The following OXR1 variants were observed in gnomAD, a reference collection of about 807,000 sequenced individuals.
OXR1 encodes the protein oxidation resistance protein 1.
Under a neutral mutation model 104.6 loss-of-function variants are expected in OXR1, and 41 were observed. The ratio of observed to expected loss-of-function variants is 0.39; its 90% CI spans 0.31 to 0.51. OXR1 has a LOEUF of 0.51. OXR1 is among the 20% of genes least tolerant of loss of function. The pLI is 0.77. For synonymous variants in OXR1, 348 were observed against 348.4 expected, an observed-to-expected ratio of 1.00 and a Z score of 0.01; for missense variants, 955 against 1,031.9, an observed-to-expected ratio of 0.93 and a Z score of 1.02.
chr8:106,303,642 G>A (rs1440374800), intron 1 of OXR1, among the ~76,000 whole-genome samples: 1 of 152,084 alleles, frequency 6.6e-6, no homozygotes, highest in Non-Finnish European at 1.5e-5. Flanking sequence ...AGCGTTTATG[G>A]TACACATGCT....
At chr8:106,293,622 T>C (rs181729254) in intron 1 of OXR1, among the ~76,000 whole-genome samples, 10 of 152,334 alleles carry the variant, frequency 6.6e-5, no homozygotes, top group Non-Finnish European at 1.5e-4. Context: ...AGAAATTTAT[T>C]CTCTCTCATG....
At chr8:106,309,310 G>A (rs1813599487) in intron 1 of OXR1, among the ~76,000 whole-genome samples, 1 of 152,044 alleles carries the variant, frequency 6.6e-6, no homozygotes, top group Non-Finnish European at 1.5e-5. Context: ...AACATCTTCA[G>A]AAAAATAAAA....
At chr8:106,733,151 T>C (rs534057268) in intron 11 of OXR1, among the ~76,000 whole-genome samples, 1 of 152,322 alleles carries the variant, frequency 6.6e-6, no homozygotes, top group South Asian at 2.1e-4. Context: ...CTCAGCCTCC[T>C]GAGTAGCTGA....
chr8:106,356,831 A>T (rs1032533779), intron 1 of OXR1, among the ~76,000 whole-genome samples: 2 of 152,128 alleles, frequency 1.3e-5, no homozygotes, highest in Admixed American at 1.3e-4. Context: ...CAAGGAAAGA[A>T]GTGTAGTAAG....
chr8:106,426,351 TG>T (rs1819118972), intron 2 of OXR1, among the ~76,000 whole-genome samples: 1 of 150,708 alleles, frequency 6.6e-6, no homozygotes, highest in Non-Finnish European at 1.5e-5. Flanking sequence ...TTGTTACATT[TG>T]TTTTTTTTTT....
At chr8:106,316,488 G>C (rs1001589236) in intron 1 of OXR1, among the ~76,000 whole-genome samples, 72 of 152,186 alleles carry the variant, frequency 4.7e-4, no homozygotes, top group African/African-American at 1.7e-3. Context: ...TGGTCATTGA[G>C]GGTTATAACC....
chr8:106,374,391 C>T (rs1045939916), intron 2 of OXR1, among the ~76,000 whole-genome samples: 2 of 152,160 alleles, frequency 1.3e-5, no homozygotes, highest in East Asian at 1.9e-4. Context: ...GTCAGACAAA[C>T]TCATTTTTAT....
intron 2 of OXR1, among the ~76,000 whole-genome samples, chr8:106,475,911 A>G (rs1055648941): frequency 6.6e-6 from 1 of 151,754 alleles, no homozygotes; most frequent in African/African-American, 2.4e-5. Context: ...CATATCCACA[A>G]TCTCTTTCAT....
At chr8:106,676,547 T>TA (rs1827614129) in intron 3 of OXR1, among the ~76,000 whole-genome samples, 1 of 152,144 alleles carries the variant, frequency 6.6e-6, no homozygotes, top group Admixed American at 6.5e-5. Context: ...CTCCTTCCCT[T>TA]ATATAGCTTA....
chr8:106,541,840 C>T (rs1466150425), intron 3 of OXR1, among the ~76,000 whole-genome samples: 2 of 152,202 alleles, frequency 1.3e-5, no homozygotes, highest in African/African-American at 4.8e-5. Context: ...AGAAGAAACA[C>T]ATAAAATGAA....
At chr8:106,481,299 G>T (rs189736696) in intron 2 of OXR1, among the ~76,000 whole-genome samples, 2 of 151,860 alleles carry the variant, frequency 1.3e-5, no homozygotes, top group African/African-American at 4.8e-5. Flanking sequence ...TACTTAATTC[G>T]GCATGTTAAA....
intron 2 of OXR1, among the ~76,000 whole-genome samples, chr8:106,451,551 TA>T (rs758984191): frequency 5.3e-5 from 8 of 152,176 alleles, no homozygotes; most frequent in Non-Finnish European, 1.2e-4. Context: ...TAATTTAGAA[TA>T]ACAGGAAATT....
At chr8:106,476,799 ACTTT>A (rs1219472672) in intron 2 of OXR1, among the ~76,000 whole-genome samples, 2 of 151,834 alleles carry the variant, frequency 1.3e-5, no homozygotes, top group Non-Finnish European at 2.9e-5. Context: ...CAGTTCTCCA[ACTTT>A]AGATTCTTCA....
intron 3 of OXR1, among the ~76,000 whole-genome samples, chr8:106,522,417 A>T (rs1302247583): frequency 6.6e-6 from 1 of 152,184 alleles, no homozygotes; most frequent in East Asian, 1.9e-4. Flanking sequence ...GTATTGTTTT[A>T]TATTGTTGCA....
At chr8:106,354,690 A>C (rs1815887118) in intron 1 of OXR1, among the ~76,000 whole-genome samples, 1 of 152,028 alleles carries the variant, frequency 6.6e-6, no homozygotes, top group Admixed American at 6.5e-5. Context: ...AATATAGAAA[A>C]CCTATATTTA....
intron 2 of OXR1, among the ~76,000 whole-genome samples, chr8:106,459,709 A>G (rs1050033909): frequency 1.3e-5 from 2 of 152,198 alleles, no homozygotes; most frequent in Non-Finnish European, 2.9e-5. Flanking sequence ...AGGACATAGC[A>G]TATCTGTTGT....
intron 1 of OXR1, among the ~76,000 whole-genome samples, chr8:106,294,594 A>G (rs1161907461): frequency 6.6e-6 from 1 of 151,964 alleles, no homozygotes; most frequent in East Asian, 1.9e-4. Flanking sequence ...TGGCAGATGC[A>G]GGAGAGAGAC....
intron 3 of OXR1, among the ~76,000 whole-genome samples, chr8:106,569,875 G>T (rs906738378): frequency 6.6e-6 from 1 of 152,180 alleles, no homozygotes; most frequent in Non-Finnish European, 1.5e-5. Flanking sequence ...TCCCATTATG[G>T]AATCAAATGT....
intron 3 of OXR1, among the ~76,000 whole-genome samples, chr8:106,599,331 A>G (rs1245262177): frequency 6.6e-6 from 1 of 152,194 alleles, no homozygotes; most frequent in African/African-American, 2.4e-5. Flanking sequence ...AATCAAATGT[A>G]ATTGTAACTC....
Sources: gnomAD v4.1 joint callset for allele counts (sites outside exome capture counted in the v4.1 genomes callset) on GRCh38, gnomAD v4.1.1 for gene constraint, MANE v1.5 for transcripts, NCBI Gene and HGNC (gene_info 2026-07-23, HGNC 2026-07-21) for gene names.